BTBD1: variants seen among roughly 807,000 people sequenced by gnomAD.
BTBD1 encodes the protein BTB/POZ domain-containing protein 1.
A neutral mutation model predicts 48.0 loss-of-function variants in BTBD1; 34 were observed. The observed-to-expected ratio is 0.71, with a 90% CI of 0.54 to 0.94. The LOEUF is 0.94. Ranked by LOEUF, BTBD1 falls within the 40% of genes least tolerant of loss-of-function variation. The probability of loss-of-function intolerance (pLI) is 0.00; values close to 1 mark genes in which losing one functional copy is unlikely to be tolerated. For missense variants in BTBD1, 543 were observed against 625.6 expected (o/e 0.87, Z 1.41); for synonymous variants, 261 against 242.1 (o/e 1.08, Z -0.72).
chr15:83,052,815 T>TTTTTG (rs2033018312), intron 2 of BTBD1, among the ~76,000 whole-genome samples: 1 of 144,294 alleles, frequency 6.9e-6, no homozygotes, highest in Non-Finnish European at 1.5e-5. Context: ...TTTTTTTTTT[T>TTTTTG]TTTTTTAGTA....
In BTBD1 at chr15:83,018,808, C is replaced by A. The variant is rs765497456; in HGVS notation, c.1189G>T (p.Gly397Cys). The change falls in exon 7 of 8, where the codon GGC (glycine) becomes TGC (cysteine). Residue 397 changes from glycine to cysteine, a missense_variant. Coordinates refer to ENST00000261721, the MANE Select transcript of BTBD1 (RefSeq NM_025238.4). ...TTAGCTGTCCCATCACAACTAAAGC[C>A]GGTATCATTCTGTCCCAGGGTTTGC... is the stretch of plus-strand genomic sequence containing the variant. ...KKQTLGQNDT[G>C]FSCDGTANTF... 9 of 1,613,890 alleles carry A rather than the reference C, an allele frequency of 5.6e-6. No homozygotes were observed. The highest frequency in any genetic ancestry group is 1.3e-5 in the African/African-American group (1 of 74,876).
At chr15:83,036,854 C>T (rs2032639690) in intron 4 of BTBD1, among the ~76,000 whole-genome samples, 1 of 152,068 alleles carries the variant, frequency 6.6e-6, no homozygotes, top group African/African-American at 2.4e-5. Flanking sequence ...ATAAAGTTTA[C>T]ATATGGACAC....
In BTBD1 at chr15:83,044,702, T is replaced by C. The variant is rs1461423305; in HGVS notation, c.665-2777A>G. On this transcript the variant is annotated intron_variant, in intron 3 of 7. Coordinates refer to ENST00000261721, the MANE Select transcript of BTBD1 (RefSeq NM_025238.4). Reference sequence around the variant, plus strand: ...ACACAATAACAAGAAAACTGAAAGATGGGAAATTAGTGGTGTACTGTGTCA... The same window carrying C: ...ACACAATAACAAGAAAACTGAAAGACGGGAAATTAGTGGTGTACTGTGTCA... 4.1e-6 allele frequency: 6 copies of C among 1,478,652 alleles called. No homozygotes were observed. The African/African-American group carries it at 8.3e-5, about 20-fold the overall frequency. 91.6% of individuals were successfully genotyped at this position (1,478,652 alleles called of 1,614,324 possible).
chr15:83,041,271 T>C (rs1295018114), intron 4 of BTBD1, among the ~76,000 whole-genome samples: 2 of 152,180 alleles, frequency 1.3e-5, no homozygotes, highest in Non-Finnish European at 2.9e-5. Context: ...AATATAATTT[T>C]GAAGGGCTTA....
rs1042525370 is a variant in BTBD1, at chr15:83,022,359, T to C, written c.1056-1597A>G. 4 of 152,018 alleles carry C rather than the reference T, an allele frequency of 2.6e-5. No individual in the cohort carries two copies. In the South Asian group the frequency reaches 6.2e-4, roughly 24 times the overall value. 9.4% of individuals were successfully genotyped at this position (152,018 alleles called of 1,614,324 possible). A position where few individuals can be genotyped will look rare whatever the true frequency, so the allele number is the denominator to read the frequency against. On this transcript the variant is annotated intron_variant, in intron 5 of 7. Transcript: ENST00000261721. ...AGCTACCACTCCTGGCTCTAAAATA[T>C]GTTATTTATAATTTTTTATTATAAA...
At chr15:83,065,674 G>A (rs1462510630) in intron 1 of BTBD1, among the ~76,000 whole-genome samples, 1 of 152,186 alleles carries the variant, frequency 6.6e-6, no homozygotes, top group Non-Finnish European at 1.5e-5. Context: ...GTGTGAGTTA[G>A]CTGTTTGTTA....
In BTBD1 at chr15:83,044,621, G is replaced by C. The variant is rs1567109014; in HGVS notation, c.665-2696C>G. ...CTGATGGCAGAAAAACTCAGACTGTGTGCAGCTTTGCAGATGGTGCATTGG... is the reference window on the plus strand; with the variant it reads ...CTGATGGCAGAAAAACTCAGACTGTCTGCAGCTTTGCAGATGGTGCATTGG... On this transcript the variant is annotated intron_variant, in intron 3 of 7. Coordinates refer to ENST00000261721, the MANE Select transcript of BTBD1 (RefSeq NM_025238.4). 11 of 1,573,826 alleles carry C rather than the reference G, an allele frequency of 7.0e-6. No individual in the cohort carries two copies. The East Asian group carries it at 2.5e-4, about 35-fold the overall frequency.
At chr15:83,027,999 TA>T (rs1039630048) in intron 5 of BTBD1, among the ~76,000 whole-genome samples, 5 of 152,202 alleles carry the variant, frequency 3.3e-5, no homozygotes, top group African/African-American at 9.7e-5. Context: ...ACTTATCAAT[TA>T]AAAAATGTAT....
In BTBD1 at chr15:83,028,506, T is replaced by G. The variant is rs765939942; in HGVS notation, c.1055+1630A>C. On this transcript the variant is annotated intron_variant, in intron 5 of 7. Transcript: ENST00000261721. ...TTGATCTAGAATTTTTTTTGTCTAG[T>G]CTGATGCCTATATAAGGGTTATGCT... 5 of 152,292 alleles carry G rather than the reference T, an allele frequency of 3.3e-5. No individual in the cohort carries two copies. In the East Asian group the frequency reaches 9.6e-4, roughly 29 times the overall value. The allele number at this position is 152,292 out of a possible 1,614,324, so 9.4% of individuals were successfully genotyped here. A position where few individuals can be genotyped will look rare whatever the true frequency, so the allele number is the denominator to read the frequency against.
intron 4 of BTBD1, among the ~76,000 whole-genome samples, chr15:83,033,095 T>C (rs2032556270): frequency 6.6e-6 from 1 of 151,934 alleles, no homozygotes; most frequent in South Asian, 2.1e-4. Context: ...CTCAGCAGTG[T>C]GCCCCTCTAG....
At chr15:83,053,811 T>G (rs1462890488) in intron 2 of BTBD1, among the ~76,000 whole-genome samples, 1 of 152,204 alleles carries the variant, frequency 6.6e-6, no homozygotes, top group Non-Finnish European at 1.5e-5. Context: ...AACCTTTACT[T>G]TGAAAACCTA....
rs773923340 is a variant in BTBD1, at chr15:83,042,348, T to TTTTATATATTTATA, written c.665-424_665-423insTATAAATATATAAA. On this transcript the variant is annotated intron_variant, in intron 3 of 7. Coordinates refer to ENST00000261721, the MANE Select transcript of BTBD1 (RefSeq NM_025238.4). ...ACGTGCCAGGTACTATTAGGCAATT[T>TTTTATATATTTATA]TATATATATATATATATATATATAT... Among the ~76,000 whole-genome samples, 857 of 109,876 alleles carry TTTTATATATTTATA rather than the reference T, an allele frequency of 7.8e-3. 11 individuals carry two copies. The highest frequency in any genetic ancestry group is 0.011 in the Non-Finnish European group (595 of 54,198). The allele number at this position is 109,876 out of a possible 152,430, so 72.1% of individuals were successfully genotyped here. A position where few individuals can be genotyped will look rare whatever the true frequency, so the allele number is the denominator to read the frequency against.
intron 4 of BTBD1, among the ~76,000 whole-genome samples, chr15:83,033,151 G>A (rs960497891): frequency 6.6e-6 from 1 of 151,638 alleles, no homozygotes; most frequent in African/African-American, 2.4e-5. Context: ...TTTGAGGCCA[G>A]AATTTTGAAG....
chr15:83,041,620 G>T, intron 4 of BTBD1, 108 bp downstream of exon 4: 1 of 948,738 alleles, frequency 1.1e-6, no homozygotes, highest in Non-Finnish European at 1.7e-6. Flanking sequence ...TGATCCACCT[G>T]CCTTGGCCTC....
chr15:83,036,119 AAAG>A (rs1427446191), intron 4 of BTBD1, among the ~76,000 whole-genome samples: 1 of 149,344 alleles, frequency 6.7e-6, no homozygotes, highest in Non-Finnish European at 1.5e-5. Context: ...AAAAAAAAAA[AAAG>A]AATAATAGCT....
rs191187265 is a variant in BTBD1 at position 83,033,872 on chromosome 15, C to T, written c.863-3544G>A. On this transcript the variant is annotated intron_variant, in intron 4 of 7. Transcript: ENST00000261721. ...GGACTAAAGGCATGAGCCACTGTGC[C>T]CCATCTAAAAAATTTAATTTTTAAG... Among the ~76,000 whole-genome samples, 55 of 151,972 alleles carry T rather than the reference C, an allele frequency of 3.6e-4. 1 individual carries two copies. The highest frequency in any genetic ancestry group is 3.5e-4 in the Non-Finnish European group (24 of 67,964).
At chr15:83,040,996 T>A (rs1193051678) in intron 4 of BTBD1, among the ~76,000 whole-genome samples, 1 of 151,218 alleles carries the variant, frequency 6.6e-6, no homozygotes, top group Non-Finnish European at 1.5e-5. Flanking sequence ...TAAAAAAAAT[T>A]AAAAAATTAG....
chr15:83,042,366 ATATATATATATGTATG>A (rs1455098520), intron 3 of BTBD1, among the ~76,000 whole-genome samples: 2 of 123,360 alleles, frequency 1.6e-5, no homozygotes, highest in Non-Finnish European at 3.4e-5. Context: ...ATATATATAT[ATATATATATATGTATG>A]TATATATTTT....
At chr15:83,043,725 A>T (rs895137056) in intron 3 of BTBD1, among the ~76,000 whole-genome samples, 11 of 152,206 alleles carry the variant, frequency 7.2e-5, no homozygotes, top group Non-Finnish European at 1.5e-4. Context: ...CAAGGTTTAT[A>T]TAGCTTATGC....
Sources: gnomAD v4.1 joint callset for allele counts (sites outside exome capture counted in the v4.1 genomes callset) on GRCh38, gnomAD v4.1.1 for gene constraint, MANE v1.5 for transcripts, NCBI Gene and HGNC (gene_info 2026-07-23, HGNC 2026-07-21) for gene names.